The following UNC45B variants were observed in gnomAD, a reference collection of about 807,000 sequenced individuals.
UNC45B encodes the protein unc-45 myosin chaperone B.
In UNC45B, 78 loss-of-function variants were observed where a neutral mutation model predicts 98.7. The ratio of observed to expected loss-of-function variants is 0.79; its 90% CI spans 0.66 to 0.95. UNC45B has a LOEUF of 0.95. Among genes scored for constraint, UNC45B ranks in the 40% least tolerant of loss-of-function variants. UNC45B has a pLI of 0.00. For missense variants in UNC45B, 1,225 were observed against 1,184.9 expected (o/e 1.03, Z -0.50); for synonymous variants, 462 against 480.4 (o/e 0.96, Z 0.50).
intron 7 of UNC45B, among the ~76,000 whole-genome samples, chr17:35,155,876 A>T (rs1343094342): frequency 1.3e-5 from 2 of 152,112 alleles, no homozygotes; most frequent in Non-Finnish European, 2.9e-5. Context: ...GGCCTGTTAT[A>T]TGTATTTTCT....
At chr17:35,163,822 G>A (rs916900238) in intron 8 of UNC45B, among the ~76,000 whole-genome samples, 173 bp from the exon 9 acceptor site, 4 of 152,206 alleles carry the variant, frequency 2.6e-5, no homozygotes, top group Non-Finnish European at 5.9e-5. Context: ...GCAGTGTCAG[G>A]TGTATAACCT....
intron 8 of UNC45B, among the ~76,000 whole-genome samples, chr17:35,163,038 G>A (rs961326142): frequency 6.6e-6 from 1 of 152,110 alleles, no homozygotes; most frequent in African/African-American, 2.4e-5. Flanking sequence ...ATGTCACTGG[G>A]CAACTTACTT....
At chr17:35,161,070 C>T (rs962410095) in intron 8 of UNC45B, among the ~76,000 whole-genome samples, 3 of 152,314 alleles carry the variant, frequency 2.0e-5, no homozygotes, top group East Asian at 1.9e-4. Context: ...CCACTTCCTC[C>T]CTGCCTCATT....
rs371169126 is a variant in UNC45B at position 35,152,874 on chromosome 17, C to G, written c.382-19C>G. On this transcript the variant is annotated intron_variant, in intron 4 of 19. Coordinates refer to ENST00000394570, the MANE Select transcript of UNC45B (RefSeq NM_001267052.2). ...TGGACCCCACCTGCCTCCTTCCCCA[C>G]TCCCTCCTCTCTCCTCAGCTCCGAG... The G allele has an allele frequency of 3.7e-6, 6 of 1,608,830 alleles. No homozygotes were observed. Among genetic ancestry groups the G allele is most frequent in the Non-Finnish European group, 5.1e-6 (6 of 1,175,214 alleles).
chr17:35,152,901 G>A lies in UNC45B; in HGVS notation c.390G>A (p.Val130=), dbSNP rs747032359. ...CCCTCCTCTCTCCTCAGCTCCGAGT[G>A]CAGTTCTCCACAGACTCGAGGGTAC... is the stretch of plus-strand genomic sequence containing the variant. ...LNTSIQEKLR[V]QFSTDSRVQK... Residue 130 remains valine (V), a synonymous_variant, in exon 5 of 20, where the codon GTG becomes GTA. Coordinates refer to ENST00000394570, the MANE Select transcript of UNC45B (RefSeq NM_001267052.2). The A allele has an allele frequency of 4.3e-6, 7 of 1,614,026 alleles. No homozygotes were observed. The South Asian group carries it at 5.5e-5, about 13-fold the overall frequency.
intron 5 of UNC45B, among the ~76,000 whole-genome samples, chr17:35,154,130 C>T (rs951453283): frequency 2.0e-5 from 3 of 152,140 alleles, no homozygotes; most frequent in African/African-American, 7.2e-5. Context: ...TTCCTGGGAA[C>T]TTCAGATTCC....
At position 35,153,065 on chromosome 17, in the gene UNC45B, C is replaced by T. The variant is rs28442879; in HGVS notation, c.471+83C>T. 1.1e-3 allele frequency: 1,385 copies of T among 1,220,078 alleles called. 18 individuals carry two copies. In the African/African-American group the frequency reaches 0.018, roughly 16 times the overall value. 75.6% of individuals were successfully genotyped at this position (1,220,078 alleles called of 1,614,324 possible). A position where few individuals can be genotyped will look rare whatever the true frequency, so the allele number is the denominator to read the frequency against. On this transcript the variant is annotated intron_variant, in intron 5 of 19. Coordinates refer to ENST00000394570, the MANE Select transcript of UNC45B (RefSeq NM_001267052.2). ...CATCATTCCGAGGGGGAAGGGGGACCGGAGGCCTGTCTTTGCAGCCCAGGA... is the reference window on the plus strand; with the variant it reads ...CATCATTCCGAGGGGGAAGGGGGACTGGAGGCCTGTCTTTGCAGCCCAGGA...
Position 35,168,075 on chromosome 17 carries a change from C to T in UNC45B, c.1166C>T (p.Pro389Leu). The change falls in exon 10 of 20, where the codon CCC becomes CTC. Residue 389 changes from proline (P) to leucine (L), a missense_variant. Physicochemically the swap from Pro to Leu is moderately conservative, Grantham distance 98. Coordinates refer to ENST00000394570, the MANE Select transcript of UNC45B (RefSeq NM_001267052.2). ...CTTTGTTTTAGGGGCAAGTTTGACC[C>T]CCAGGACATGGACAAGAACTTGAAT... ...CEEYITGKFD[P>L]QDMDKNLNAI... 6.5e-7 allele frequency: 1 copy of T among 1,541,058 alleles called. No individual in the cohort carries two copies. The highest frequency in any genetic ancestry group is 8.8e-7 in the Non-Finnish European group (1 of 1,141,468).
Position 35,162,922 on chromosome 17 carries a change from A to T in UNC45B, c.980-1073A>T, listed in dbSNP as rs145407345. Among the ~76,000 whole-genome samples, 22 of 152,178 alleles carry T rather than the reference A, an allele frequency of 1.4e-4. No homozygotes were observed. The East Asian group carries it at 2.5e-3, about 17-fold the overall frequency. On this transcript the variant is annotated intron_variant, in intron 8 of 19. Transcript: ENST00000394570. ...TCTGACCAGCTCCAAGCCACCTCTA[A>T]AACCTGGCTCCGAAATCCATCTCTC...
At chr17:35,147,971 TGC>T (rs1460615226) in intron 1 of UNC45B, 61 bp downstream of exon 1, 5 of 397,500 alleles carry the variant, frequency 1.3e-5, no homozygotes, top group Non-Finnish European at 2.3e-5. Context: ...TTCTAAGACC[TGC>T]AATGAGAGTT....
chr17:35,158,998 C>T (rs2142544304), intron 7 of UNC45B, among the ~76,000 whole-genome samples: 1 of 152,302 alleles, frequency 6.6e-6, no homozygotes, highest in African/African-American at 2.4e-5. Flanking sequence ...TGAAATGTCC[C>T]TAAAAAGTAC....
chr17:35,169,723 C>A (rs903133742), intron 10 of UNC45B, 114 bp from the exon 11 acceptor site: 2 of 867,564 alleles, frequency 2.3e-6, no homozygotes. Flanking sequence ...TGGATCCAAG[C>A]AAAGAAAGAG....
chr17:35,185,183 C>A (rs1253511296), intron 19 of UNC45B, among the ~76,000 whole-genome samples: 1 of 152,170 alleles, frequency 6.6e-6, no homozygotes, highest in African/African-American at 2.4e-5. Context: ...CTTTTCTTCC[C>A]CCCGTGTCTG....
At position 35,168,185 on chromosome 17, in the gene UNC45B, A is replaced by T; in HGVS notation, c.1276A>T (p.Met426Leu). 1 of 1,606,160 alleles carries T rather than the reference A, an allele frequency of 6.2e-7. No homozygotes were observed. Among genetic ancestry groups the T allele is most frequent in the Non-Finnish European group, 8.5e-7 (1 of 1,175,982 alleles). ...GGGACTGAAAGGTGTGATGGAGATG[A>T]TGGTGGCACTATGTGGCTCAGAGCG... is the stretch of plus-strand genomic sequence containing the variant. ...LLGLKGVMEM[M>L]VALCGSERET... The change falls in exon 10 of 20, where the codon ATG becomes TTG. Residue 426 changes from methionine to leucine, a missense_variant. Coordinates refer to ENST00000394570, the MANE Select transcript of UNC45B (RefSeq NM_001267052.2).
intron 9 of UNC45B, among the ~76,000 whole-genome samples, chr17:35,167,839 C>G (rs1216903918): frequency 6.6e-6 from 1 of 152,170 alleles, no homozygotes; most frequent in African/African-American, 2.4e-5. Flanking sequence ...CTCTGTGACA[C>G]AGCTGTTATG....
chr17:35,159,305 T>C (rs921801786), intron 7 of UNC45B, 70 bp from the exon 8 acceptor site: 37 of 1,409,788 alleles, frequency 2.6e-5, no homozygotes, highest in Admixed American at 7.9e-5. Context: ...TAGAAGCTGC[T>C]GCTCTTCTTG....
chr17:35,169,734 G>A lies in UNC45B; in HGVS notation c.1453-103G>A, dbSNP rs926056506. The A allele has an allele frequency of 8.4e-6, 8 of 955,184 alleles. No individual in the cohort carries two copies. The African/African-American group carries it at 1.3e-4, about 15-fold the overall frequency. The allele number at this position is 955,184 out of a possible 1,614,324, so 59.2% of individuals were successfully genotyped here. ...GAGGTGGATCCAAGCAAAGAAAGAG[G>A]GGCGAAGTGTTCTGGCCATAGAAAC... On this transcript the variant is annotated intron_variant, in intron 10 of 19. Transcript: ENST00000394570.
At chr17:35,148,452 C>G in intron 2 of UNC45B, 21 bp downstream of exon 2, 4 of 1,611,466 alleles carry the variant, frequency 2.5e-6, no homozygotes, top group Non-Finnish European at 3.4e-6. Context: ...GGGCAGGGCA[C>G]AGGGTGGGAG....
intron 8 of UNC45B, among the ~76,000 whole-genome samples, chr17:35,161,398 A>C (rs1168041497): frequency 1.3e-5 from 2 of 152,188 alleles, no homozygotes; most frequent in African/African-American, 4.8e-5. Flanking sequence ...GAAGGGGCAA[A>C]GATAGACAGG....
Sources: allele counts gnomAD v4.1 joint callset (sites outside exome capture counted in the v4.1 genomes callset), GRCh38; gene constraint gnomAD v4.1.1; transcripts MANE v1.5; gene names NCBI Gene and HGNC (gene_info 2026-07-23, HGNC 2026-07-21).